EYA2: variants seen among roughly 807,000 people sequenced by gnomAD.
EYA2 encodes the protein EYA transcriptional coactivator and phosphatase 2.
EYA2 carries 31 observed loss-of-function variants against 69.2 expected under a neutral mutation model. The ratio of observed to expected loss-of-function variants is 0.45; its 90% CI spans 0.34 to 0.60. The LOEUF (loss-of-function observed/expected upper bound fraction) is 0.60. Among genes scored for constraint, EYA2 ranks in the 20% least tolerant of loss-of-function variants. The pLI is 0.02. For synonymous variants in EYA2, 257 were observed against 279.4 expected, an observed-to-expected ratio of 0.92 and a Z score of 0.80; for missense variants, 622 against 701.2, an observed-to-expected ratio of 0.89 and a Z score of 1.28.
At chr20:46,931,519 T>A (rs1233647928) in intron 1 of EYA2, among the ~76,000 whole-genome samples, 2 of 152,192 alleles carry the variant, frequency 1.3e-5, no homozygotes. Flanking sequence ...GAACTAATGA[T>A]TATACCTCCT....
At chr20:46,949,180 G>T (rs1827645532) in intron 1 of EYA2, among the ~76,000 whole-genome samples, 1 of 152,220 alleles carries the variant, frequency 6.6e-6, no homozygotes, top group African/African-American at 2.4e-5. Flanking sequence ...CTACTCAAGT[G>T]CAAGGTCTTT....
At chr20:46,978,731 G>C (rs1460373719) in intron 1 of EYA2, 2 of 532,038 alleles carry the variant, frequency 3.8e-6, no homozygotes, top group Non-Finnish European at 3.9e-6. Context: ...GGGCAGGGGG[G>C]CTGCCGTGGT....
chr20:47,115,790 T>A (rs1404735653), intron 9 of EYA2, among the ~76,000 whole-genome samples: 1 of 152,222 alleles, frequency 6.6e-6, no homozygotes, highest in Non-Finnish European at 1.5e-5. Flanking sequence ...CCTGCAGTGA[T>A]GCTCACTGCC....
intron 9 of EYA2, among the ~76,000 whole-genome samples, chr20:47,120,788 G>A (rs556680823): frequency 3.3e-5 from 5 of 151,192 alleles, no homozygotes; most frequent in East Asian, 4.0e-4. Context: ...GAACGCACAC[G>A]GTCTGGAGAT....
chr20:47,076,252 T>A (rs1376115599), intron 7 of EYA2, among the ~76,000 whole-genome samples: 1 of 152,246 alleles, frequency 6.6e-6, no homozygotes, highest in Non-Finnish European at 1.5e-5. Flanking sequence ...CAAATGGTAG[T>A]TTCATTTTAA....
At chr20:47,130,201 A>G (rs1007163123) in intron 9 of EYA2, among the ~76,000 whole-genome samples, 7 of 152,004 alleles carry the variant, frequency 4.6e-5, no homozygotes, top group Non-Finnish European at 1.0e-4. Context: ...TACTTTAAAA[A>G]AAATGAATGT....
At chr20:47,135,126 CAAAAAAAAAAAAAA>C (rs11484435) in intron 9 of EYA2, among the ~76,000 whole-genome samples, 2 of 58,498 alleles carry the variant, frequency 3.4e-5, no homozygotes, top group Admixed American at 5.2e-4. Flanking sequence ...GACTCCATAT[CAAAAAAAAAAAAAA>C]AAAAAAAAAC....
At chr20:47,122,980 AC>A (rs1322456494) in intron 9 of EYA2, among the ~76,000 whole-genome samples, 1 of 152,166 alleles carries the variant, frequency 6.6e-6, no homozygotes, top group Non-Finnish European at 1.5e-5. Flanking sequence ...TAGCCATGTG[AC>A]CTCAGACAAG....
chr20:46,897,024 GT>G (rs1013942660), intron 1 of EYA2, among the ~76,000 whole-genome samples: 9 of 150,528 alleles, frequency 6.0e-5, no homozygotes, highest in African/African-American at 2.2e-4. Context: ...TTTTTAAAAA[GT>G]TTTCATCACG....
rs182102425 is a variant in EYA2 at position 47,054,680 on chromosome 20, C to A, written c.416-17505C>A. Among the ~76,000 whole-genome samples, 137 of 152,308 alleles carry A rather than the reference C, an allele frequency of 9.0e-4. 1 individual carries two copies. Among genetic ancestry groups the A allele is most frequent in the Admixed American group, 6.7e-3 (103 of 15,304 alleles). On this transcript the variant is annotated intron_variant, in intron 5 of 15. Coordinates refer to ENST00000327619, the MANE Select transcript of EYA2 (RefSeq NM_005244.5). ...ACCCCAGGACATCCCATACAGAGTT[C>A]TTTCTGCTGCTCTGCCCCACGTCCC...
intron 1 of EYA2, among the ~76,000 whole-genome samples, chr20:46,910,258 C>G (rs1984576852): frequency 6.6e-6 from 1 of 152,032 alleles, no homozygotes; most frequent in African/African-American, 2.4e-5. Flanking sequence ...GAAGCAGGCA[C>G]GACTTACATG....
chr20:47,032,259 T>C (rs1230157339), intron 5 of EYA2, among the ~76,000 whole-genome samples: 1 of 152,226 alleles, frequency 6.6e-6, no homozygotes, highest in African/African-American at 2.4e-5. Flanking sequence ...ATGTGCTTCT[T>C]TCCCTGGGCC....
chr20:47,181,842 A>C (rs1311237055), intron 14 of EYA2, among the ~76,000 whole-genome samples: 1 of 152,174 alleles, frequency 6.6e-6, no homozygotes, highest in African/African-American at 2.4e-5. Context: ...TTATAGTAGT[A>C]GGGGCCAAAA....
chr20:47,155,407 A>G (rs923725592), intron 10 of EYA2, among the ~76,000 whole-genome samples: 4 of 151,930 alleles, frequency 2.6e-5, no homozygotes, highest in Non-Finnish European at 5.9e-5. Context: ...ATGTGGGAGT[A>G]ACAAGCACAA....
chr20:46,962,215 T>C (rs1391224853), intron 1 of EYA2, among the ~76,000 whole-genome samples: 1 of 152,100 alleles, frequency 6.6e-6, no homozygotes, highest in African/African-American at 2.4e-5. Flanking sequence ...TTTGTAGAGA[T>C]GGGGTCTTGC....
intron 1 of EYA2, among the ~76,000 whole-genome samples, chr20:46,906,770 A>C (rs1461659875): frequency 2.6e-5 from 4 of 152,202 alleles, no homozygotes; most frequent in African/African-American, 9.7e-5. Context: ...GTATGGTTCT[A>C]GAGTTTGTCT....
chr20:47,026,536 A>G (rs1027735086), intron 5 of EYA2, among the ~76,000 whole-genome samples: 2 of 152,210 alleles, frequency 1.3e-5, no homozygotes, highest in African/African-American at 4.8e-5. Context: ...AAACAAAATG[A>G]CAAACTGAAA....
chr20:46,988,189 A>G (rs1199976828), intron 1 of EYA2, among the ~76,000 whole-genome samples: 8 of 123,084 alleles, frequency 6.5e-5, no homozygotes, highest in Admixed American at 1.9e-4. Context: ...AGCACTTGCC[A>G]ATTTTGGTGT....
At chr20:47,047,479 C>T (rs768617738) in intron 5 of EYA2, among the ~76,000 whole-genome samples, 14 of 151,720 alleles carry the variant, frequency 9.2e-5, no homozygotes, top group Non-Finnish European at 1.2e-4. Context: ...CTCCGCCTCC[C>T]GGGTTCAAGC....
Sources: gnomAD v4.1 joint callset for allele counts (sites outside exome capture counted in the v4.1 genomes callset) on GRCh38, gnomAD v4.1.1 for gene constraint, MANE v1.5 for transcripts, NCBI Gene and HGNC (gene_info 2026-07-23, HGNC 2026-07-21) for gene names.